RIT2: variants seen among roughly 807,000 people sequenced by gnomAD.
RIT2 encodes the protein Ras like without CAAX 2, also known as GTP-binding protein Rit2.
In RIT2, 24 loss-of-function variants were observed where a neutral mutation model predicts 23.7. The observed-to-expected ratio is 1.01, with a 90% CI of 0.73 to 1.43. The LOEUF (loss-of-function observed/expected upper bound fraction) is 1.43. RIT2 is among the 40% of genes most tolerant of loss of function. The pLI is 0.00. For missense variants in RIT2, 236 were observed against 266.9 expected (o/e 0.88, Z 0.81); for synonymous variants, 107 against 91.1 (o/e 1.17, Z -0.99).
intron 4 of RIT2, among the ~76,000 whole-genome samples, chr18:42,747,194 C>CA (rs1232057247): frequency 6.6e-6 from 1 of 151,858 alleles, no homozygotes. Flanking sequence ...ATGAATTCAG[C>CA]AAATTACAGG....
At chr18:43,044,015 C>T (rs1417535892) in intron 1 of RIT2, among the ~76,000 whole-genome samples, 1 of 152,122 alleles carries the variant, frequency 6.6e-6, no homozygotes, top group African/African-American at 2.4e-5. Flanking sequence ...CAGCACCCAG[C>T]ACCTAGGCAG....
intron 1 of RIT2, among the ~76,000 whole-genome samples, chr18:43,066,882 G>T (rs958909077): frequency 6.6e-6 from 1 of 151,146 alleles, no homozygotes; most frequent in Admixed American, 6.6e-5. Context: ...TGGAAGCAGG[G>T]TTGCTTAGGA....
intron 4 of RIT2, among the ~76,000 whole-genome samples, chr18:42,885,219 A>T (rs1436825191): frequency 6.6e-6 from 1 of 152,260 alleles, no homozygotes; most frequent in Non-Finnish European, 1.5e-5. Flanking sequence ...TTCATTTCAC[A>T]GATGGTAAAT....
At chr18:43,057,889 C>T (rs1912546919) in intron 1 of RIT2, among the ~76,000 whole-genome samples, 1 of 150,124 alleles carries the variant, frequency 6.7e-6, no homozygotes, top group South Asian at 2.1e-4. Context: ...GCCAGCCATC[C>T]TTGGGAGGAT....
chr18:42,899,699 G>T (rs1908425379), intron 4 of RIT2, among the ~76,000 whole-genome samples: 1 of 152,142 alleles, frequency 6.6e-6, no homozygotes, highest in East Asian at 1.9e-4. Flanking sequence ...TGTCACTAAA[G>T]ATATAAATGT....
intron 1 of RIT2, among the ~76,000 whole-genome samples, chr18:43,037,201 C>T (rs573022942): frequency 6.6e-5 from 10 of 152,220 alleles, no homozygotes; most frequent in South Asian, 2.1e-4. Context: ...AAATAGGTAA[C>T]GATCAACATG....
chr18:42,898,354 ACTG>A (rs1259750945), intron 4 of RIT2, among the ~76,000 whole-genome samples: 1 of 152,158 alleles, frequency 6.6e-6, no homozygotes, highest in Non-Finnish European at 1.5e-5. Context: ...AGATTGCACC[ACTG>A]CACTCCAGCC....
chr18:42,801,646 AC>A (rs1905542059), intron 4 of RIT2, among the ~76,000 whole-genome samples: 1 of 152,176 alleles, frequency 6.6e-6, no homozygotes, highest in Non-Finnish European at 1.5e-5. Flanking sequence ...TAACTTATGT[AC>A]CTCAGGCCTA....
intron 4 of RIT2, among the ~76,000 whole-genome samples, chr18:42,752,879 A>T (rs186908125): frequency 6.6e-6 from 1 of 152,294 alleles, no homozygotes; most frequent in East Asian, 1.9e-4. Flanking sequence ...TTAATGTGAC[A>T]CCTGGAGGCC....
chr18:42,916,455 T>C (rs1908912875), intron 4 of RIT2, among the ~76,000 whole-genome samples: 1 of 152,096 alleles, frequency 6.6e-6, no homozygotes, highest in African/African-American at 2.4e-5. Context: ...TGCTACTCTG[T>C]TTTACAGCTG....
At chr18:43,045,577 G>T (rs771432162) in intron 1 of RIT2, among the ~76,000 whole-genome samples, 5 of 152,106 alleles carry the variant, frequency 3.3e-5, no homozygotes, top group Admixed American at 6.5e-5. Context: ...TACATCCTAA[G>T]CATTTTCTTT....
At chr18:42,910,255 G>C (rs7237363) in intron 4 of RIT2, among the ~76,000 whole-genome samples, 2,963 of 152,178 alleles carry the variant, frequency 0.019, 105 homozygotes, top group African/African-American at 0.067. Context: ...TAATCTATCA[G>C]TAATTATTTA....
At chr18:43,104,951 A>G (rs1913773439) in intron 1 of RIT2, among the ~76,000 whole-genome samples, 1 of 152,206 alleles carries the variant, frequency 6.6e-6, no homozygotes. Context: ...AAAATTTATT[A>G]AAACAATACA....
intron 4 of RIT2, among the ~76,000 whole-genome samples, chr18:42,908,998 C>G (rs186703909): frequency 6.6e-6 from 1 of 152,054 alleles, no homozygotes; most frequent in Non-Finnish European, 1.5e-5. Flanking sequence ...GAAAAGAAGT[C>G]GTTGTATGAA....
chr18:43,093,398 A>G (rs78392201), intron 1 of RIT2, among the ~76,000 whole-genome samples: 16,734 of 152,134 alleles, frequency 0.11, 1,246 homozygotes, highest in East Asian at 0.37. Flanking sequence ...TTCTGTAGCA[A>G]AAATCACACT....
intron 4 of RIT2, among the ~76,000 whole-genome samples, chr18:42,762,164 G>A (rs1307913202): frequency 6.6e-6 from 1 of 152,034 alleles, no homozygotes; most frequent in Non-Finnish European, 1.5e-5. Flanking sequence ...CTTATGCCTG[G>A]CCTTTATAAA....
intron 2 of RIT2, among the ~76,000 whole-genome samples, chr18:43,030,811 T>C (rs1911836534): frequency 6.6e-6 from 1 of 152,194 alleles, no homozygotes; most frequent in Admixed American, 6.6e-5. Flanking sequence ...GTGGATCGGG[T>C]GCTTTACCAC....
intron 4 of RIT2, among the ~76,000 whole-genome samples, chr18:42,769,514 T>C (rs546824052): frequency 6.6e-6 from 1 of 152,268 alleles, no homozygotes; most frequent in East Asian, 1.9e-4. Flanking sequence ...TACCTTTTAC[T>C]AGATCTTCAT....
intron 4 of RIT2, among the ~76,000 whole-genome samples, chr18:42,829,666 G>A (rs1598671930): frequency 6.6e-6 from 1 of 151,980 alleles, no homozygotes; most frequent in Non-Finnish European, 1.5e-5. Flanking sequence ...CAGCATAAAG[G>A]GTAATCAAAC....
Sources: gnomAD v4.1 joint callset for allele counts (sites outside exome capture counted in the v4.1 genomes callset) on GRCh38, gnomAD v4.1.1 for gene constraint, MANE v1.5 for transcripts, NCBI Gene and HGNC (gene_info 2026-07-23, HGNC 2026-07-21) for gene names.